Variants in IMMP2L observed in about 807,000 individuals in gnomAD.
IMMP2L encodes the protein inner mitochondrial membrane peptidase subunit 2.
In IMMP2L, 18 loss-of-function variants were observed where a neutral mutation model predicts 19.3. The observed-to-expected ratio is 0.93, with a 90% CI of 0.64 to 1.38. The LOEUF (loss-of-function observed/expected upper bound fraction) is 1.38. IMMP2L is among the 40% of genes most tolerant of loss of function. The pLI is 0.00. For missense variants in IMMP2L, 233 were observed against 218.2 expected, an observed-to-expected ratio of 1.07 and a Z score of -0.43; for synonymous variants, 76 against 73.0, an observed-to-expected ratio of 1.04 and a Z score of -0.21.
chr7:111,329,618 A>G (rs1825677554), intron 3 of IMMP2L, among the ~76,000 whole-genome samples: 1 of 151,966 alleles, frequency 6.6e-6, no homozygotes, highest in Non-Finnish European at 1.5e-5. Flanking sequence ...CACATGGGAC[A>G]TGACAAGCCA....
At chr7:111,260,108 G>C (rs1193237258) in intron 3 of IMMP2L, among the ~76,000 whole-genome samples, 1 of 152,154 alleles carries the variant, frequency 6.6e-6, no homozygotes, top group Non-Finnish European at 1.5e-5. Flanking sequence ...ACTCTAAAAT[G>C]ATTAAAAGTA....
chr7:111,260,450 A>T (rs1425216315), intron 3 of IMMP2L, among the ~76,000 whole-genome samples: 1 of 152,156 alleles, frequency 6.6e-6, no homozygotes. Context: ...ATTAAGGTAC[A>T]TTGTCCCCTT....
At chr7:110,785,165 T>C (rs1259594392) in intron 5 of IMMP2L, among the ~76,000 whole-genome samples, 2 of 151,902 alleles carry the variant, frequency 1.3e-5, no homozygotes, top group Non-Finnish European at 2.9e-5. Context: ...CTGAAGTCCT[T>C]TTTACCAAAA....
intron 5 of IMMP2L, among the ~76,000 whole-genome samples, chr7:110,774,105 A>T (rs1359089273): frequency 1.3e-5 from 2 of 152,092 alleles, no homozygotes; most frequent in Non-Finnish European, 1.5e-5. Context: ...GTGCCACATT[A>T]AAATATTGTA....
intron 3 of IMMP2L, chr7:111,099,786 G>A (rs1189130867): frequency 6.6e-6 from 1 of 151,506 alleles, no homozygotes; most frequent in Admixed American, 6.6e-5. Flanking sequence ...TGTGAATCAT[G>A]AATAACCTAA....
intron 4 of IMMP2L, among the ~76,000 whole-genome samples, chr7:110,902,034 G>A (rs74336347): frequency 1.3e-5 from 2 of 152,046 alleles, no homozygotes; most frequent in Non-Finnish European, 2.9e-5. Flanking sequence ...TTTGCCACAA[G>A]TTATGGTAAT....
intron 3 of IMMP2L, among the ~76,000 whole-genome samples, chr7:111,132,654 T>C (rs1048759018): frequency 1.3e-5 from 2 of 152,028 alleles, no homozygotes; most frequent in African/African-American, 2.4e-5. Context: ...TTATAAATTG[T>C]ATAATGTAGT....
intron 3 of IMMP2L, among the ~76,000 whole-genome samples, chr7:111,178,550 T>C (rs1467743134): frequency 1.3e-5 from 2 of 152,096 alleles, no homozygotes; most frequent in African/African-American, 2.4e-5. Flanking sequence ...AGTAGAACTT[T>C]TGAAATTGAA....
intron 3 of IMMP2L, among the ~76,000 whole-genome samples, chr7:111,125,814 T>G (rs1801237498): frequency 6.7e-6 from 1 of 148,894 alleles, no homozygotes. Flanking sequence ...TTTAGGCCGC[T>G]TGCTTTTTTT....
intron 3 of IMMP2L, among the ~76,000 whole-genome samples, chr7:111,180,464 T>G (rs1807580770): frequency 6.6e-6 from 1 of 152,010 alleles, no homozygotes. Context: ...GGGTGAGGTT[T>G]GTGGTGCCCT....
intron 5 of IMMP2L, among the ~76,000 whole-genome samples, chr7:110,782,897 T>A (rs1256023324): frequency 6.6e-6 from 1 of 151,716 alleles, no homozygotes; most frequent in Non-Finnish European, 1.5e-5. Flanking sequence ...TCAGAAAAGA[T>A]CCTGAAAATG....
intron 3 of IMMP2L, among the ~76,000 whole-genome samples, chr7:111,375,581 A>G (rs546633385): frequency 6.6e-6 from 1 of 151,960 alleles, no homozygotes; most frequent in Admixed American, 6.6e-5. Flanking sequence ...GATGGAGTGC[A>G]GTGGTGCCAA....
intron 2 of IMMP2L, among the ~76,000 whole-genome samples, chr7:111,515,468 T>C (rs751666913): frequency 3.3e-5 from 5 of 152,138 alleles, no homozygotes; most frequent in African/African-American, 4.8e-5. Context: ...CATGTGGCCA[T>C]TGAAACCAAA....
chr7:111,061,090 T>G (rs1436691129), intron 3 of IMMP2L, among the ~76,000 whole-genome samples: 1 of 152,206 alleles, frequency 6.6e-6, no homozygotes, highest in Non-Finnish European at 1.5e-5. Flanking sequence ...TGTATATGCG[T>G]GAAGTCTGGC....
At chr7:110,701,267 A>G (rs1794266489) in intron 5 of IMMP2L, among the ~76,000 whole-genome samples, 1 of 152,218 alleles carries the variant, frequency 6.6e-6, no homozygotes, top group African/African-American at 2.4e-5. Context: ...TATATATTAT[A>G]GCATTTACTG....
intron 3 of IMMP2L, among the ~76,000 whole-genome samples, chr7:111,012,879 A>G (rs1322992046): frequency 6.6e-6 from 1 of 152,200 alleles, no homozygotes; most frequent in Non-Finnish European, 1.5e-5. Flanking sequence ...AAAATAACGA[A>G]CATCCTAAAT....
At chr7:111,298,597 C>CA (rs768547478) in intron 3 of IMMP2L, among the ~76,000 whole-genome samples, 2 of 151,390 alleles carry the variant, frequency 1.3e-5, no homozygotes, top group East Asian at 3.9e-4. Context: ...TAAAAACACA[C>CA]AAAAAAAATT....
chr7:110,676,173 G>T (rs1301873805), intron 5 of IMMP2L, among the ~76,000 whole-genome samples: 3 of 152,200 alleles, frequency 2.0e-5, no homozygotes, highest in Non-Finnish European at 4.4e-5. Flanking sequence ...CTTCTGTGAT[G>T]TTATGTAATA....
chr7:110,997,901 CTTCTA>C (rs1317344238), intron 3 of IMMP2L, among the ~76,000 whole-genome samples: 5 of 152,068 alleles, frequency 3.3e-5, no homozygotes, highest in Admixed American at 3.3e-4. Flanking sequence ...TTGCCAAGTT[CTTCTA>C]ATACCGGATG....
Sources: gnomAD v4.1 joint callset for allele counts (sites outside exome capture counted in the v4.1 genomes callset) on GRCh38, gnomAD v4.1.1 for gene constraint, MANE v1.5 for transcripts, NCBI Gene and HGNC (gene_info 2026-07-23, HGNC 2026-07-21) for gene names.